SAMD12: variants seen among roughly 807,000 people sequenced by gnomAD.
SAMD12 encodes the protein sterile alpha motif domain-containing protein 12.
In SAMD12, 9 loss-of-function variants were observed where a neutral mutation model predicts 15.0. That is an observed-to-expected ratio of 0.60 (90% CI 0.36 to 1.05). The LOEUF (loss-of-function observed/expected upper bound fraction) is 1.05. Among genes scored for constraint, SAMD12 ranks in the 50% least tolerant of loss-of-function variants. The pLI is 0.01. For missense variants in SAMD12, 230 were observed against 234.2 expected (o/e 0.98, Z 0.12); for synonymous variants, 86 against 90.1 (o/e 0.96, Z 0.25).
At chr8:118,564,025 A>G (rs1033925460) in intron 2 of SAMD12, among the ~76,000 whole-genome samples, 2 of 152,002 alleles carry the variant, frequency 1.3e-5, no homozygotes, top group African/African-American at 4.8e-5. Flanking sequence ...AATATTAGCC[A>G]AGTAAGCATG....
the SAMD12 span, among the ~76,000 whole-genome samples, chr8:118,138,535 C>A: frequency 6.6e-6 from 1 of 152,188 alleles, no homozygotes; most frequent in African/African-American, 2.4e-5. Flanking sequence ...GGGTCCCCAT[C>A]AGACACTGAA....
At chr8:118,459,979 A>G (rs7827972) in intron 2 of SAMD12, among the ~76,000 whole-genome samples, 41,372 of 152,070 alleles carry the variant, frequency 0.27, 9,516 homozygotes, top group African/African-American at 0.63. Context: ...CCAGGACCAG[A>G]ACCAATGGGA....
chr8:118,566,599 G>T (rs536155156), intron 2 of SAMD12, among the ~76,000 whole-genome samples: 2 of 152,162 alleles, frequency 1.3e-5, no homozygotes, highest in African/African-American at 4.8e-5. Context: ...GGGGTTAAAT[G>T]ATATCTTTTA....
rs1393887454 is a variant in SAMD12 at position 118,379,124 on chromosome 8, T to C, written c.*293A>G. On this transcript the variant is annotated 3_prime_UTR_variant, in exon 4 of 4. Coordinates refer to ENST00000314727, the MANE Select transcript of SAMD12 (RefSeq NM_207506.3). ...AAAACTCCACTTATATCACTGGTCA[T>C]CGTAACTATTGAATCACTCAAATGC... 8.8e-7 allele frequency: 1 copy of C among 1,130,670 alleles called. No individual in the cohort carries two copies. Among genetic ancestry groups the C allele is most frequent in the Non-Finnish European group, 1.1e-6 (1 of 919,742 alleles). The allele number at this position is 1,130,670 out of a possible 1,614,324, so 70.0% of individuals were successfully genotyped here.
At chr8:118,572,526 A>C (rs1344946500) in intron 2 of SAMD12, among the ~76,000 whole-genome samples, 4 of 152,122 alleles carry the variant, frequency 2.6e-5, no homozygotes, top group African/African-American at 9.7e-5. Context: ...AGTGGGAGGT[A>C]ACTGAATCAT....
chr8:118,513,036 A>C (rs952939555), intron 2 of SAMD12, among the ~76,000 whole-genome samples: 1 of 151,810 alleles, frequency 6.6e-6, no homozygotes, highest in African/African-American at 2.4e-5. Context: ...CAGTTATGTC[A>C]TATGTGTATC....
chr8:118,217,413 A>G (rs1013665344), intron 4 of SAMD12, among the ~76,000 whole-genome samples: 3 of 152,218 alleles, frequency 2.0e-5, no homozygotes, highest in Non-Finnish European at 1.5e-5. Flanking sequence ...GAATATCAGT[A>G]TGGGTGAGGG....
intron 4 of SAMD12, among the ~76,000 whole-genome samples, chr8:118,320,495 C>CA (rs1383662578): frequency 6.6e-6 from 1 of 150,682 alleles, no homozygotes; most frequent in Non-Finnish European, 1.5e-5. Flanking sequence ...TTTTTAAATG[C>CA]AAAAAAAGGA....
chr8:118,288,442 T>C (rs760474267), intron 4 of SAMD12: 5 of 152,200 alleles, frequency 3.3e-5, no homozygotes, highest in African/African-American at 7.2e-5. Context: ...ACACTCTTCC[T>C]CATCATTGTA....
the SAMD12 span, among the ~76,000 whole-genome samples, chr8:118,177,956 T>C: frequency 6.6e-6 from 1 of 152,184 alleles, no homozygotes; most frequent in Non-Finnish European, 1.5e-5. Flanking sequence ...TACACTTCTC[T>C]TGAAACCTCG....
intron 3 of SAMD12, among the ~76,000 whole-genome samples, chr8:118,420,780 A>G (rs1821960795): frequency 6.6e-6 from 1 of 152,238 alleles, no homozygotes; most frequent in Non-Finnish European, 1.5e-5. Flanking sequence ...TTAGAAAAGA[A>G]TTCTAAATTT....
At chr8:118,231,593 G>A (rs1228718419) in intron 4 of SAMD12, among the ~76,000 whole-genome samples, 1 of 152,134 alleles carries the variant, frequency 6.6e-6, no homozygotes, top group Non-Finnish European at 1.5e-5. Flanking sequence ...CTATATCACA[G>A]CTTGGAGTAT....
At chr8:118,322,815 G>T (rs566168872) in intron 4 of SAMD12, among the ~76,000 whole-genome samples, 28 of 152,246 alleles carry the variant, frequency 1.8e-4, no homozygotes, top group African/African-American at 5.5e-4. Context: ...GTGATTTTAT[G>T]CAAGTCAACC....
chr8:118,191,948 T>G (rs933984687), exon 5 of SAMD12: 1 of 149,922 alleles, frequency 6.7e-6, no homozygotes, highest in Non-Finnish European at 1.5e-5. Flanking sequence ...GGATAAGAAG[T>G]CTCTATAGAG....
chr8:118,157,507 T>G, the SAMD12 span, among the ~76,000 whole-genome samples: 1 of 152,224 alleles, frequency 6.6e-6, no homozygotes, highest in Non-Finnish European at 1.5e-5. Flanking sequence ...TTGTCTGTAC[T>G]CCATGTGAAA....
chr8:118,192,770 T>C (rs928820478), exon 5 of SAMD12: 3 of 152,232 alleles, frequency 2.0e-5, no homozygotes, highest in African/African-American at 7.2e-5. Flanking sequence ...ATGACACTTA[T>C]TATGTCAACC....
At chr8:118,296,075 A>G (rs1347691847) in intron 4 of SAMD12, among the ~76,000 whole-genome samples, 1 of 152,216 alleles carries the variant, frequency 6.6e-6, no homozygotes, top group East Asian at 1.9e-4. Context: ...ACCGTAACTG[A>G]GCATTTCCTG....
At chr8:118,317,522 AAG>A (rs1446326296) in intron 4 of SAMD12, among the ~76,000 whole-genome samples, 15 of 152,204 alleles carry the variant, frequency 9.9e-5, no homozygotes, top group Non-Finnish European at 2.1e-4. Context: ...GGTAGATACA[AAG>A]AGTATATAAT....
chr8:118,371,128 A>G (rs1819077077), intron 4 of SAMD12, among the ~76,000 whole-genome samples: 1 of 152,178 alleles, frequency 6.6e-6, no homozygotes, highest in Non-Finnish European at 1.5e-5. Context: ...TAATGAAGAT[A>G]TCTTAATTTC....
Sources: allele counts gnomAD v4.1 joint callset (sites outside exome capture counted in the v4.1 genomes callset), GRCh38; gene constraint gnomAD v4.1.1; transcripts MANE v1.5; gene names NCBI Gene and HGNC (gene_info 2026-07-23, HGNC 2026-07-21).